The following SLC30A7 variants were observed in gnomAD, a reference collection of about 807,000 sequenced individuals.
SLC30A7 encodes solute carrier family 30 member 7.
SLC30A7 carries 35 observed loss-of-function variants against 46.0 expected under a neutral mutation model. That is an observed-to-expected ratio of 0.76 (90% CI 0.58 to 1.01). The LOEUF (loss-of-function observed/expected upper bound fraction) is 1.01. Among genes scored for constraint, SLC30A7 ranks in the 50% least tolerant of loss-of-function variants. The pLI is 0.00. For synonymous variants in SLC30A7, 147 were observed against 157.8 expected, an observed-to-expected ratio of 0.93 and a Z score of 0.51; for missense variants, 464 against 451.1, an observed-to-expected ratio of 1.03 and a Z score of -0.26.
chr1:100,940,549 T>TA (rs1400687797), intron 8 of SLC30A7, among the ~76,000 whole-genome samples: 2 of 152,184 alleles, frequency 1.3e-5, no homozygotes, highest in African/African-American at 2.4e-5. Context: ...AGAGAGCTTC[T>TA]AAAAATAAAA....
chr1:100,937,037 A>G (rs970597508), intron 8 of SLC30A7, among the ~76,000 whole-genome samples: 1 of 152,164 alleles, frequency 6.6e-6, no homozygotes, highest in Non-Finnish European at 1.5e-5. Context: ...ATCTATATCT[A>G]TATCTATGCA....
chr1:100,983,387 A>G (rs980608415), downstream of SLC30A7, among the ~76,000 whole-genome samples: 8 of 145,848 alleles, frequency 5.5e-5, no homozygotes, highest in East Asian at 1.6e-3. Flanking sequence ...AAAAAAAAAA[A>G]AAACAAAACA....
chr1:100,990,404 A>T, the SLC30A7 span: 2 of 1,613,076 alleles, frequency 1.2e-6, no homozygotes, highest in African/African-American at 2.7e-5. Context: ...GTAAATATCT[A>T]TGTTCAAAGT....
intron 10 of SLC30A7, among the ~76,000 whole-genome samples, chr1:100,972,888 T>A (rs968609986): frequency 1.3e-5 from 2 of 152,098 alleles, no homozygotes; most frequent in Admixed American, 6.6e-5. Flanking sequence ...CTGGTGTTTA[T>A]CAATGCTTTT....
intron 8 of SLC30A7, among the ~76,000 whole-genome samples, chr1:100,956,653 A>C (rs1344796996): frequency 2.0e-5 from 3 of 152,124 alleles, no homozygotes; most frequent in Non-Finnish European, 2.9e-5. Context: ...TAAAACAATA[A>C]ATTTTTAAAA....
intron 8 of SLC30A7, among the ~76,000 whole-genome samples, chr1:100,952,526 C>T (rs1412427000): frequency 7.9e-5 from 12 of 152,016 alleles, no homozygotes; most frequent in East Asian, 7.7e-4. Flanking sequence ...CTCTTACTAC[C>T]GTGACATGTT....
chr1:100,977,694 C>T lies in SLC30A7; in HGVS notation c.*2837C>T, dbSNP rs1175005988. 6.6e-6 allele frequency: 1 copy of T among 152,174 alleles called. No individual in the cohort carries two copies. Among genetic ancestry groups the T allele is most frequent in the Non-Finnish European group, 1.5e-5 (1 of 68,024 alleles). 9.4% of individuals were successfully genotyped at this position (152,174 alleles called of 1,614,324 possible). A position where few individuals can be genotyped will look rare whatever the true frequency, so the allele number is the denominator to read the frequency against. On this transcript the variant is annotated 3_prime_UTR_variant, in exon 11 of 11. Coordinates refer to ENST00000357650, the MANE Select transcript of SLC30A7 (RefSeq NM_133496.5). Reference sequence around the variant, plus strand: ...ATTGCTCAGGGACAGTTTACCTTGCCTGGTAAACCTTCCCAAACAGAAATA... The same window carrying T: ...ATTGCTCAGGGACAGTTTACCTTGCTTGGTAAACCTTCCCAAACAGAAATA...
chr1:100,940,166 A>G (rs1175974931), intron 8 of SLC30A7, among the ~76,000 whole-genome samples: 5 of 152,184 alleles, frequency 3.3e-5, no homozygotes, highest in Non-Finnish European at 7.4e-5. Context: ...CAGCACCTCA[A>G]ATCAGTGGAA....
chr1:100,901,002 ATTTC>A (rs1022094621), intron 2 of SLC30A7, among the ~76,000 whole-genome samples: 8 of 152,164 alleles, frequency 5.3e-5, no homozygotes, highest in Non-Finnish European at 1.2e-4. Flanking sequence ...GGTCTATCTT[ATTTC>A]ATCTGTTGTC....
chr1:100,904,163 G>C (rs1447109419), intron 2 of SLC30A7, among the ~76,000 whole-genome samples: 3 of 152,098 alleles, frequency 2.0e-5, no homozygotes, highest in South Asian at 4.1e-4. Context: ...AGTAAATTTG[G>C]AGCTGGGATT....
At chr1:100,916,556 T>C (rs1652565426) in intron 6 of SLC30A7, among the ~76,000 whole-genome samples, 1 of 152,216 alleles carries the variant, frequency 6.6e-6, no homozygotes, top group Admixed American at 6.5e-5. Flanking sequence ...AATCACATCA[T>C]GGAGATGAGG....
intron 8 of SLC30A7, among the ~76,000 whole-genome samples, chr1:100,928,512 A>G (rs966258914): frequency 1.3e-5 from 2 of 152,128 alleles, no homozygotes; most frequent in Non-Finnish European, 1.5e-5. Context: ...AAAATATAGA[A>G]AAAGATAAGG....
At chr1:100,904,324 A>G (rs554197045) in intron 2 of SLC30A7, among the ~76,000 whole-genome samples, 1 of 152,300 alleles carries the variant, frequency 6.6e-6, no homozygotes, top group Admixed American at 6.5e-5. Context: ...AGAATTCTTT[A>G]TCGCTGATAA....
the SLC30A7 span, chr1:100,995,037 T>C: frequency 9.4e-7 from 1 of 1,062,522 alleles, no homozygotes; most frequent in South Asian, 1.3e-5. Flanking sequence ...AGAACTCAGG[T>C]CATTTAAGTA....
At chr1:100,970,919 T>C (rs1411351830) in intron 10 of SLC30A7, among the ~76,000 whole-genome samples, 1 of 152,144 alleles carries the variant, frequency 6.6e-6, no homozygotes, top group African/African-American at 2.4e-5. Context: ...TTTATTACCA[T>C]TATCAGTTCC....
At chr1:100,957,113 G>C (rs1655264966) in intron 8 of SLC30A7, among the ~76,000 whole-genome samples, 1 of 152,166 alleles carries the variant, frequency 6.6e-6, no homozygotes, top group Non-Finnish European at 1.5e-5. Flanking sequence ...TGAACTTGGA[G>C]TCTAACGACC....
In SLC30A7 at chr1:100,976,362, GT is replaced by G; in HGVS notation, c.*1508del. On this transcript the variant is annotated 3_prime_UTR_variant, in exon 11 of 11. Coordinates refer to ENST00000357650, the MANE Select transcript of SLC30A7 (RefSeq NM_133496.5). ...GAATCCTAAAGCAGCATTTTATTGA[GT>G]TTGAATTATTAAAGGTACAGAGGAA... 6.6e-6 allele frequency: 1 copy of G among 152,322 alleles called. No homozygotes were observed. Among genetic ancestry groups the G allele is most frequent in the African/African-American group, 2.4e-5 (1 of 41,582 alleles). 9.4% of individuals were successfully genotyped at this position (152,322 alleles called of 1,614,324 possible). A position where few individuals can be genotyped will look rare whatever the true frequency, so the allele number is the denominator to read the frequency against.
At chr1:100,993,580 AT>A in the SLC30A7 span, among the ~76,000 whole-genome samples, 3 of 93,828 alleles carry the variant, frequency 3.2e-5, no homozygotes, top group African/African-American at 1.1e-4. Flanking sequence ...ATATATATAT[AT>A]ATATATATAT....
At chr1:100,935,687 TA>T (rs1455327479) in intron 8 of SLC30A7, among the ~76,000 whole-genome samples, 1 of 152,046 alleles carries the variant, frequency 6.6e-6, no homozygotes, top group Non-Finnish European at 1.5e-5. Flanking sequence ...AGCTTTCCTC[TA>T]AAAAAAATTA....
Sources: allele counts gnomAD v4.1 joint callset (sites outside exome capture counted in the v4.1 genomes callset), GRCh38; gene constraint gnomAD v4.1.1; transcripts MANE v1.5; gene names NCBI Gene and HGNC (gene_info 2026-07-23, HGNC 2026-07-21).